The following ZNF117 variants were observed in gnomAD, a reference collection of about 807,000 sequenced individuals.
ZNF117 encodes the protein zinc finger protein 117, also known as Krueppel-related zinc finger protein.
ZNF117 carries 37 observed loss-of-function variants against 41.2 expected under a neutral mutation model. That is an observed-to-expected ratio of 0.90 (90% CI 0.69 to 1.18). The LOEUF (loss-of-function observed/expected upper bound fraction) is 1.18, where lower values mean the gene tolerates loss of function less well. Among genes scored for constraint, ZNF117 ranks in the 50% most tolerant of loss-of-function variants. The pLI, the probability that ZNF117 is intolerant of heterozygous loss-of-function variation, is 0.00. For missense variants in ZNF117, 546 were observed against 557.5 expected, an observed-to-expected ratio of 0.98 and a Z score of 0.21; for synonymous variants, 186 against 186.6, an observed-to-expected ratio of 1.00 and a Z score of 0.02.
upstream of ZNF117, chr7:64,982,180 T>C: frequency 1.8e-6 from 1 of 567,512 alleles, no homozygotes; most frequent in Non-Finnish European, 3.1e-6. Flanking sequence ...GCCATGGGCA[T>C]AATTTTAAAT....
chr7:64,980,304 T>C (rs1210461155), intron 2 of ZNF117: 2 of 151,984 alleles, frequency 1.3e-5, no homozygotes, highest in African/African-American at 2.4e-5. Flanking sequence ...AATTAAAGAT[T>C]ACAATGCATA....
downstream of ZNF117, chr7:64,973,783 T>C (rs1017672088): frequency 1.3e-5 from 2 of 151,866 alleles, no homozygotes; most frequent in African/African-American, 2.4e-5. Flanking sequence ...AATTAGGAAA[T>C]AAAAGAACCA....
intron 1 of ZNF117, 90 bp downstream of exon 2, chr7:64,981,894 A>T (rs1387185305): frequency 1.2e-5 from 5 of 422,094 alleles, no homozygotes; most frequent in Non-Finnish European, 2.2e-5. Flanking sequence ...CTGAAACTCA[A>T]TTTATGCAAA....
At chr7:64,984,136 C>A (rs1786087545), upstream of ZNF117, among the ~76,000 whole-genome samples, 1 of 151,280 alleles carries the variant, frequency 6.6e-6, no homozygotes, top group African/African-American at 2.4e-5. Context: ...TTCCAAAGAA[C>A]ACTTTTTTTT....
At chr7:64,976,583 T>G in exon 3 of ZNF117, 1 of 203,452 alleles carries the variant, frequency 4.9e-6, no homozygotes, top group Middle Eastern at 9.0e-4. Flanking sequence ...ACAATTTTTC[T>G]GAAGTGCTTT....
downstream of ZNF117, chr7:64,973,461 T>C (rs1785814518): frequency 1.3e-5 from 2 of 152,072 alleles, no homozygotes; most frequent in South Asian, 2.1e-4. Flanking sequence ...TTTAAAAATT[T>C]AATAAGTTTT....
chr7:64,981,599 C>G (rs927035717), intron 1 of ZNF117, 117 bp from the exon 3 acceptor site: 1 of 910,292 alleles, frequency 1.1e-6, no homozygotes, highest in African/African-American at 1.8e-5. Flanking sequence ...TCCCCAAATG[C>G]TAATTTATAA....
chr7:64,985,218 A>C (rs1482935886), upstream of ZNF117, among the ~76,000 whole-genome samples: 2 of 152,258 alleles, frequency 1.3e-5, no homozygotes, highest in Non-Finnish European at 2.9e-5. Context: ...TAACTATGCT[A>C]ATTGTACTCA....
exon 3 of ZNF117, chr7:64,978,789 G>T: frequency 6.2e-7 from 1 of 1,613,330 alleles, no homozygotes; most frequent in South Asian, 1.1e-5. Flanking sequence ...AAGTTTTGAG[G>T]ATCGGTTAAA....
At chr7:64,978,816 T>C (rs1562984313) in exon 3 of ZNF117, 5 of 1,613,578 alleles carry the variant, frequency 3.1e-6, no homozygotes, top group Non-Finnish European at 4.2e-6. Flanking sequence ...GCCGCATTCT[T>C]CACATTCATA....
chr7:64,981,863 G>A, intron 1 of ZNF117, 121 bp downstream of exon 2: 1 of 372,672 alleles, frequency 2.7e-6, no homozygotes. Context: ...AAATCTAAAA[G>A]ATTTTTTTGA....
At chr7:64,982,091 G>T (rs951334027) in exon 1 of ZNF117, 2 of 961,930 alleles carry the variant, frequency 2.1e-6, no homozygotes, top group Non-Finnish European at 3.3e-6. Flanking sequence ...GAATTCTATG[G>T]CCACATCCAT....
In ZNF117 at chr7:64,981,970, T is replaced by C. The variant is rs1786043028; in HGVS notation, c.-63+14A>G. The C allele has an allele frequency of 5.2e-6, 3 of 576,014 alleles. No individual in the cohort carries two copies. Among genetic ancestry groups the C allele is most frequent in the Non-Finnish European group, 9.3e-6 (3 of 320,914 alleles). The allele number at this position is 576,014 out of a possible 1,614,324, so 35.7% of individuals were successfully genotyped here. ...AACCTTTAGGGTATATTAGAAAATG[T>C]GTATTGAAGTTACCTTCACCCAAGA... On this transcript the variant is annotated intron_variant, in intron 1 of 2. Transcript: ENST00000620222.
At chr7:64,989,198 TAA>T (rs1002597884) in intron 1 of ZNF117, among the ~76,000 whole-genome samples, 1 of 149,742 alleles carries the variant, frequency 6.7e-6, no homozygotes, top group Non-Finnish European at 1.5e-5. Context: ...CACATATATA[TAA>T]ACGACTCATA....
chr7:64,978,864 A>T (rs1197240623), exon 3 of ZNF117: 1 of 1,613,522 alleles, frequency 6.2e-7, no homozygotes, highest in African/African-American at 1.3e-5. Context: ...ATGTTCAGTA[A>T]GCTTTGAGGC....
exon 3 of ZNF117, chr7:64,978,163 C>G: frequency 6.2e-7 from 1 of 1,612,066 alleles, no homozygotes; most frequent in African/African-American, 1.3e-5. Context: ...TACTGTTTCT[C>G]TTCAGTATGA....
At chr7:64,981,531 T>G in intron 1 of ZNF117, 49 bp from the exon 3 acceptor site, 1 of 1,440,420 alleles carries the variant, frequency 6.9e-7, no homozygotes, top group Non-Finnish European at 9.7e-7. Context: ...ATTCTCCAAT[T>G]ACCAACTTGG....
chr7:64,986,847 T>A (rs1429267196), upstream of ZNF117, among the ~76,000 whole-genome samples: 1 of 152,106 alleles, frequency 6.6e-6, no homozygotes, highest in Non-Finnish European at 1.5e-5. Context: ...CAGAATAATT[T>A]TGGGAGACTA....
chr7:64,979,364 A>G, exon 3 of ZNF117: 1 of 1,601,562 alleles, frequency 6.2e-7, no homozygotes, highest in Non-Finnish European at 8.5e-7. Context: ...AACATTGGTT[A>G]AGTCCACTAT....
Sources: gnomAD v4.1 joint callset for allele counts (sites outside exome capture counted in the v4.1 genomes callset) on GRCh38, gnomAD v4.1.1 for gene constraint, MANE v1.5 for transcripts, NCBI Gene and HGNC (gene_info 2026-07-23, HGNC 2026-07-21) for gene names.